Variants in FBXO15 observed in about 807,000 individuals in gnomAD.
The protein encoded by FBXO15 is F-box protein 15.
Under a neutral mutation model 49.5 loss-of-function variants are expected in FBXO15, and 30 were observed. That is an observed-to-expected ratio of 0.61 (90% CI 0.45 to 0.82). The LOEUF is 0.82. Among genes scored for constraint, FBXO15 ranks in the 40% least tolerant of loss-of-function variants. The probability of loss-of-function intolerance (pLI) is 0.00; values close to 1 mark genes in which losing one functional copy is unlikely to be tolerated. For synonymous variants in FBXO15, 250 were observed against 232.7 expected, an observed-to-expected ratio of 1.07 and a Z score of -0.68; for missense variants, 591 against 631.5, an observed-to-expected ratio of 0.94 and a Z score of 0.69.
intron 8 of FBXO15, among the ~76,000 whole-genome samples, chr18:74,106,228 CTGAG>C (rs1440869685): frequency 1.3e-5 from 2 of 152,104 alleles, no homozygotes; most frequent in Non-Finnish European, 2.9e-5. Flanking sequence ...GAAAATATAG[CTGAG>C]TATTTGCCTT....
In FBXO15 at chr18:74,073,852, A is replaced by G; in HGVS notation, c.1264-122T>C. 6.4e-6 allele frequency: 8 copies of G among 1,258,962 alleles called. 1 individual carries two copies. In the South Asian group the frequency reaches 1.2e-4, roughly 19 times the overall value. 78.0% of individuals were successfully genotyped at this position (1,258,962 alleles called of 1,614,324 possible). ...GTGTGGCATCAAAATCCAGAATACTATCATTGGTTTTTCATGGCCTACTTC... is the reference window on the plus strand; with the variant it reads ...GTGTGGCATCAAAATCCAGAATACTGTCATTGGTTTTTCATGGCCTACTTC... On this transcript the variant is annotated intron_variant, in intron 9 of 9. Transcript: ENST00000419743.
chr18:74,146,430 A>T lies in FBXO15; in HGVS notation c.116+1240T>A, dbSNP rs1979414676. The stretch of plus-strand genomic sequence containing the variant: ...AATGACAGGCCCTCTAATTATATCA[A>T]TCCAGGAAGTTCACTCAACTTACAA... On this transcript the variant is annotated intron_variant, in intron 1 of 9. Transcript: ENST00000419743. Among the ~76,000 whole-genome samples the T allele has an allele frequency of 2.0e-5, 3 of 152,258 alleles. No individual in the cohort carries two copies. In the South Asian group the frequency reaches 6.2e-4, roughly 31 times the overall value.
At chr18:74,086,408 A>C (rs1422613474) in intron 8 of FBXO15, among the ~76,000 whole-genome samples, 1 of 152,156 alleles carries the variant, frequency 6.6e-6, no homozygotes, top group Non-Finnish European at 1.5e-5. Context: ...TGTGTCTTAC[A>C]GAGTAAGCAC....
At chr18:74,138,675 C>G (rs1317820971) in intron 2 of FBXO15, among the ~76,000 whole-genome samples, 1 of 152,096 alleles carries the variant, frequency 6.6e-6, no homozygotes, top group African/African-American at 2.4e-5. Context: ...TTGCACCTAT[C>G]CCAGGCATCT....
chr18:74,082,331 T>C (rs1402147481), intron 8 of FBXO15, among the ~76,000 whole-genome samples: 1 of 151,992 alleles, frequency 6.6e-6, no homozygotes, highest in Non-Finnish European at 1.5e-5. Context: ...CTGTCACTGA[T>C]GGAAAGGTGG....
intron 3 of FBXO15, among the ~76,000 whole-genome samples, chr18:74,135,393 C>G (rs879364536): frequency 2.0e-5 from 3 of 152,190 alleles, no homozygotes; most frequent in Non-Finnish European, 4.4e-5. Context: ...AGCACTCATT[C>G]TGCTCTGCGA....
chr18:74,091,434 T>C (rs562767087), intron 8 of FBXO15, among the ~76,000 whole-genome samples: 19 of 152,302 alleles, frequency 1.2e-4, no homozygotes, highest in South Asian at 6.2e-4. Context: ...GTTGCTGTCA[T>C]CATGTTGTCA....
chr18:74,131,557 C>T (rs1351540510), intron 3 of FBXO15, among the ~76,000 whole-genome samples: 1 of 152,176 alleles, frequency 6.6e-6, no homozygotes, highest in African/African-American at 2.4e-5. Context: ...AAGTCTGTTC[C>T]TTCCACTCAT....
intron 8 of FBXO15, among the ~76,000 whole-genome samples, chr18:74,100,355 T>G (rs1913459519): frequency 6.6e-6 from 1 of 152,114 alleles, no homozygotes; most frequent in African/African-American, 2.4e-5. Context: ...AATTTAAAAA[T>G]TATTTGAACT....
chr18:74,083,966 T>C (rs1912613689), intron 8 of FBXO15, among the ~76,000 whole-genome samples: 1 of 152,194 alleles, frequency 6.6e-6, no homozygotes, highest in Non-Finnish European at 1.5e-5. Context: ...TCTGAATTCA[T>C]AGGTGATAAA....
intron 2 of FBXO15, among the ~76,000 whole-genome samples, chr18:74,136,267 G>A (rs1978716364): frequency 1.3e-5 from 2 of 152,264 alleles, no homozygotes; most frequent in Admixed American, 6.5e-5. Context: ...CTGCAGCCCA[G>A]AACTCCTAGG....
In FBXO15 at chr18:74,081,979, A is replaced by G. The variant is rs1599133162; in HGVS notation, c.1211T>C (p.Ile404Thr). The G allele has an allele frequency of 6.2e-7, 1 of 1,613,462 alleles. No homozygotes were observed. The highest frequency in any genetic ancestry group is 2.2e-5 in the East Asian group (1 of 44,864). The change falls in exon 9 of 10, where the codon ATT becomes ACT. Residue 404 changes from isoleucine (I) to threonine (T), a missense_variant. By Grantham distance (89) the Ile-to-Thr change is moderately conservative. Coordinates refer to ENST00000419743, the MANE Select transcript of FBXO15 (RefSeq NM_001142958.2). ...TTTCCACGAGAGGCCAACTTTTCCA[A>G]TAAGAGGTAGGTGTTCTCTGTTATT... ...LKNNREHLPL[I>T]GKVGLSWKTD...
At chr18:74,102,958 G>C (rs1268002522) in intron 8 of FBXO15, among the ~76,000 whole-genome samples, 1 of 152,024 alleles carries the variant, frequency 6.6e-6, no homozygotes, top group Non-Finnish European at 1.5e-5. Flanking sequence ...AAGGGGAAAG[G>C]GTGGGAAGTG....
At chr18:74,146,910 G>C (rs1405323564) in intron 1 of FBXO15, 1 of 152,142 alleles carries the variant, frequency 6.6e-6, no homozygotes, top group Non-Finnish European at 1.5e-5. Flanking sequence ...CTTACAAGCA[G>C]AAAGATAATC....
intron 8 of FBXO15, among the ~76,000 whole-genome samples, chr18:74,105,534 G>A (rs541219344): frequency 1.4e-3 from 208 of 152,072 alleles, no homozygotes; most frequent in African/African-American, 4.9e-3. Context: ...CTGCCTCCCA[G>A]GTTCAAACGA....
chr18:74,135,823 C>A lies in FBXO15; in HGVS notation c.271G>T (p.Ala91Ser), dbSNP rs1978680949. 1 of 1,612,230 alleles carries A rather than the reference C, an allele frequency of 6.2e-7. No individual in the cohort carries two copies. The highest frequency in any genetic ancestry group is 1.7e-5 in the Admixed American group (1 of 59,732). The change falls in exon 3 of 10, where the codon GCT becomes TCT. Residue 91 changes from alanine (A) to serine (S), a missense_variant. Ala to Ser is a moderately conservative substitution (Grantham distance 99). Coordinates refer to ENST00000419743, the MANE Select transcript of FBXO15 (RefSeq NM_001142958.2). ...CATCCAGTACACAGAAGGCTCACAG[C>A]ATCCAAGTAGGAAAATATCTTCAGC... is the stretch of plus-strand genomic sequence containing the variant. ...ILLKIFSYLD[A>S]VSLLCTGCVS...
intron 3 of FBXO15, among the ~76,000 whole-genome samples, chr18:74,134,495 A>C (rs933499399): frequency 5.3e-5 from 8 of 151,510 alleles, no homozygotes; most frequent in African/African-American, 1.9e-4. Flanking sequence ...CAGCCTCCCA[A>C]GTAGCTGGGA....
intron 2 of FBXO15, among the ~76,000 whole-genome samples, chr18:74,137,043 A>G (rs1174222826): frequency 6.6e-6 from 1 of 152,220 alleles, no homozygotes; most frequent in African/African-American, 2.4e-5. Context: ...AATAAAGTAG[A>G]TCTTCAGAAA....
chr18:74,074,342 C>A lies in FBXO15; in HGVS notation c.1264-612G>T, dbSNP rs1436946311. The stretch of plus-strand genomic sequence containing the variant: ...TCACTCTCTCCCAAGTCTTCCAAGT[C>A]TCACTGTCATCCCAAGTGATCCCAA... On this transcript the variant is annotated intron_variant, in intron 9 of 9. Coordinates refer to ENST00000419743, the MANE Select transcript of FBXO15 (RefSeq NM_001142958.2). This position sits in a 1 kb window ranked among gnomAD's most constrained non-coding sequence, Gnocchi z 4.7. Among the ~76,000 whole-genome samples the A allele has an allele frequency of 6.6e-6, 1 of 152,210 alleles. No individual in the cohort carries two copies. The highest frequency in any genetic ancestry group is 1.5e-5 in the Non-Finnish European group (1 of 68,028).
Sources: gnomAD v4.1 joint callset for allele counts (sites outside exome capture counted in the v4.1 genomes callset) on GRCh38, gnomAD v4.1.1 for gene constraint, Gnocchi (gnomAD v3.1) non-coding constraint, MANE v1.5 for transcripts, NCBI Gene and HGNC (gene_info 2026-07-23, HGNC 2026-07-21) for gene names.